GRHL2: variants seen among roughly 807,000 people sequenced by gnomAD.
GRHL2 encodes grainyhead-like protein 2 homolog.
A neutral mutation model predicts 83.8 loss-of-function variants in GRHL2; 21 were observed. That is an observed-to-expected ratio of 0.25 (90% CI 0.18 to 0.36). The LOEUF (loss-of-function observed/expected upper bound fraction) is 0.36, where lower values mean the gene tolerates loss of function less well. Ranked by LOEUF, GRHL2 falls within the 10% of genes least tolerant of loss-of-function variation. The probability of loss-of-function intolerance (pLI) is 1.00; values close to 1 mark genes in which losing one functional copy is unlikely to be tolerated. For missense variants in GRHL2, 623 were observed against 781.8 expected, an observed-to-expected ratio of 0.80 and a Z score of 2.42; for synonymous variants, 280 against 278.9, an observed-to-expected ratio of 1.00 and a Z score of -0.04.
chr8:101,560,320 G>A (rs1034607814), intron 4 of GRHL2, among the ~76,000 whole-genome samples: 9 of 152,292 alleles, frequency 5.9e-5, no homozygotes, highest in African/African-American at 1.9e-4. Flanking sequence ...GAGCCACTAC[G>A]CCCAGCCTTG....
chr8:101,497,760 AG>A (rs1183400291), intron 1 of GRHL2, among the ~76,000 whole-genome samples: 2 of 152,244 alleles, frequency 1.3e-5, no homozygotes, highest in Admixed American at 1.3e-4. Context: ...TTTACATAAT[AG>A]ATGCAATTTA....
At chr8:101,610,210 G>A (rs1812720633) in intron 8 of GRHL2, among the ~76,000 whole-genome samples, 2 of 151,072 alleles carry the variant, frequency 1.3e-5, no homozygotes, top group Admixed American at 1.3e-4. Context: ...CCAAAGTGCT[G>A]TGGGGAGAGA....
chr8:101,621,729 T>C (rs1245823438), intron 9 of GRHL2, among the ~76,000 whole-genome samples: 2 of 151,972 alleles, frequency 1.3e-5, no homozygotes, highest in African/African-American at 2.4e-5. Flanking sequence ...GACCCCTGTC[T>C]CTACAAAAAA....
chr8:101,505,577 CAAAAAA>C lies in GRHL2; in HGVS notation c.20+12803_20+12808del, dbSNP rs11395323. On this transcript the variant is annotated intron_variant, in intron 1 of 15. Transcript: ENST00000646743. The stretch of plus-strand genomic sequence containing the variant: ...GGGCAACAAGGGTGAAACTCTGTCT[CAAAAAA>C]AAAAAAAAAAAAAACAGTGTAAATA... Among the ~76,000 whole-genome samples, 5 of 101,090 alleles carry C rather than the reference CAAAAAA, an allele frequency of 4.9e-5. No homozygotes were observed. The East Asian group carries it at 1.4e-3, about 29-fold the overall frequency. 66.3% of individuals were successfully genotyped at this position (101,090 alleles called of 152,430 possible). A position where few individuals can be genotyped will look rare whatever the true frequency, so the allele number is the denominator to read the frequency against.
Position 101,668,954 on chromosome 8 carries a change from G to C in GRHL2, c.*2251G>C, listed in dbSNP as rs775265561. Reference sequence around the variant, plus strand: ...TGCTGTGCATGTTTCCTAAGTCCTTGAGCAATCATGGTGGTGACAATTGCC... The same window carrying C: ...TGCTGTGCATGTTTCCTAAGTCCTTCAGCAATCATGGTGGTGACAATTGCC... On this transcript the variant is annotated 3_prime_UTR_variant, in exon 16 of 16. Transcript: ENST00000646743. The C allele has an allele frequency of 1.3e-5, 2 of 152,156 alleles. No homozygotes were observed. The highest frequency in any genetic ancestry group is 2.4e-5 in the African/African-American group (1 of 41,430). The allele number at this position is 152,156 out of a possible 1,614,324, so 9.4% of individuals were successfully genotyped here. A position where few individuals can be genotyped will look rare whatever the true frequency, so the allele number is the denominator to read the frequency against.
intron 1 of GRHL2, among the ~76,000 whole-genome samples, chr8:101,527,934 A>C (rs1290779159): frequency 2.0e-5 from 3 of 152,258 alleles, no homozygotes; most frequent in African/African-American, 4.8e-5. Flanking sequence ...ATGTTACTTA[A>C]GTTTTTTCCC....
intron 14 of GRHL2, among the ~76,000 whole-genome samples, chr8:101,659,361 C>T (rs1157402146): frequency 6.6e-6 from 1 of 152,174 alleles, no homozygotes. Flanking sequence ...ATGTTTTCCC[C>T]ATCCAAGTTC....
At chr8:101,632,510 A>C in intron 11 of GRHL2, 145 bp downstream of exon 11, 1 of 997,128 alleles carries the variant, frequency 1.0e-6, no homozygotes, top group Admixed American at 1.8e-5. Context: ...TCCCTATAGT[A>C]AATGCATTTT....
rs1206701396 is a variant in GRHL2, at chr8:101,666,607, T to C, written c.1782T>C (p.Asp594=). Reference sequence around the variant, plus strand: ...ATGGCAGCATCTTGGTGAACATGGATGACAACATCATCGAGCACTACTCGA... The same window carrying C: ...ATGGCAGCATCTTGGTGAACATGGACGACAACATCATCGAGCACTACTCGA... ...KSKKGILVNM[D]DNIIEHYSNE... The change falls in exon 16 of 16, where the codon GAT becomes GAC. Residue 594 remains aspartate, a synonymous_variant. Coordinates refer to ENST00000646743, the MANE Select transcript of GRHL2 (RefSeq NM_024915.4). 6.2e-7 allele frequency: 1 copy of C among 1,610,736 alleles called. No homozygotes were observed. The highest frequency in any genetic ancestry group is 1.1e-5 in the South Asian group (1 of 91,004).
In GRHL2 at chr8:101,667,043, C is replaced by G. The variant is rs1814081390; in HGVS notation, c.*340C>G. 2.5e-6 allele frequency: 1 copy of G among 400,072 alleles called. No individual in the cohort carries two copies. The highest frequency in any genetic ancestry group is 3.6e-5 in the Admixed American group (1 of 28,162). The allele number at this position is 400,072 out of a possible 1,614,324, so 24.8% of individuals were successfully genotyped here. A position where few individuals can be genotyped will look rare whatever the true frequency, so the allele number is the denominator to read the frequency against. ...CAGATGAGACCGTCCAGCGTTCCCC[C>G]TTCAAGAGAAACACTCATCCCGAAC... On this transcript the variant is annotated 3_prime_UTR_variant, in exon 16 of 16. Coordinates refer to ENST00000646743, the MANE Select transcript of GRHL2 (RefSeq NM_024915.4).
intron 1 of GRHL2, among the ~76,000 whole-genome samples, chr8:101,502,932 G>GAAT (rs1286377248): frequency 6.6e-6 from 1 of 151,922 alleles, no homozygotes; most frequent in African/African-American, 2.4e-5. Context: ...ATTGCCAAGT[G>GAAT]AATAGTTTAG....
intron 7 of GRHL2, among the ~76,000 whole-genome samples, chr8:101,580,970 T>A (rs1219857353): frequency 1.3e-5 from 2 of 152,208 alleles, no homozygotes. Context: ...CCCAAAGTGC[T>A]GGGATTATAG....
chr8:101,546,674 C>A (rs1030134383), intron 2 of GRHL2, among the ~76,000 whole-genome samples: 1 of 152,120 alleles, frequency 6.6e-6, no homozygotes, highest in African/African-American at 2.4e-5. Context: ...CCTTGACCTT[C>A]CAAAGTGCTG....
chr8:101,508,006 G>A (rs1265050997), intron 1 of GRHL2, among the ~76,000 whole-genome samples: 2 of 151,828 alleles, frequency 1.3e-5, no homozygotes, highest in Non-Finnish European at 2.9e-5. Context: ...GGCTGGTCTC[G>A]AACTCCTGGT....
intron 1 of GRHL2, among the ~76,000 whole-genome samples, chr8:101,497,409 G>T (rs1021203356): frequency 6.6e-6 from 1 of 152,234 alleles, no homozygotes; most frequent in Non-Finnish European, 1.5e-5. Flanking sequence ...TGTCCACTGT[G>T]TCTGGAGGAA....
chr8:101,671,445 C>T (rs186240373), downstream of GRHL2, among the ~76,000 whole-genome samples: 1,476 of 152,248 alleles, frequency 9.7e-3, 25 homozygotes, highest in African/African-American at 0.033. Context: ...AACTGCAAGG[C>T]GGCAGCGATG....
intron 1 of GRHL2, among the ~76,000 whole-genome samples, chr8:101,495,875 G>A (rs201864056): frequency 8.5e-5 from 13 of 152,196 alleles, no homozygotes; most frequent in South Asian, 2.1e-4. Context: ...GGGGCCAGGC[G>A]CGGCGGCTCA....
At chr8:101,589,527 G>A (rs1206531616) in intron 7 of GRHL2, among the ~76,000 whole-genome samples, 3 of 152,192 alleles carry the variant, frequency 2.0e-5, no homozygotes, top group Admixed American at 6.5e-5. Flanking sequence ...AGCATACACA[G>A]AACATAGTAA....
intron 7 of GRHL2, among the ~76,000 whole-genome samples, chr8:101,588,139 A>T (rs1056499632): frequency 6.6e-6 from 1 of 152,188 alleles, no homozygotes; most frequent in Admixed American, 6.5e-5. Flanking sequence ...GAGTCTCGTC[A>T]TTGTTTAACA....
Sources: allele counts gnomAD v4.1 joint callset (sites outside exome capture counted in the v4.1 genomes callset), GRCh38; gene constraint gnomAD v4.1.1; transcripts MANE v1.5; gene names NCBI Gene and HGNC (gene_info 2026-07-23, HGNC 2026-07-21).